The following RPP30 variants were observed in gnomAD, a reference collection of about 807,000 sequenced individuals.
RPP30 encodes ribonuclease P protein subunit p30.
In RPP30, 36 loss-of-function variants were observed where a neutral mutation model predicts 38.6. That is an observed-to-expected ratio of 0.93 (90% CI 0.71 to 1.23). The LOEUF is 1.23. Ranked by LOEUF, RPP30 falls within the 50% of genes most tolerant of loss-of-function variation. RPP30 has a pLI of 0.00. For missense variants in RPP30, 321 were observed against 321.7 expected (o/e 1.00, Z 0.02); for synonymous variants, 126 against 112.7 (o/e 1.12, Z -0.75).
intron 6 of RPP30, among the ~76,000 whole-genome samples, chr10:90,887,503 C>G (rs994347525): frequency 6.6e-6 from 1 of 151,920 alleles, no homozygotes; most frequent in Admixed American, 6.6e-5. Context: ...CTGCCCCAGC[C>G]TCCTGAGTAG....
chr10:90,900,672 A>T lies in RPP30; in HGVS notation c.800A>T (p.Glu267Val), dbSNP rs201939715. 2 of 1,613,088 alleles carry T rather than the reference A, an allele frequency of 1.2e-6. No homozygotes were observed. The highest frequency in any genetic ancestry group is 1.7e-6 in the Non-Finnish European group (2 of 1,179,614). The change falls in exon 11 of 11, where the codon GAG becomes GTG. Residue 267 changes from glutamate to valine, a missense_variant. Coordinates refer to ENST00000371703, the MANE Select transcript of RPP30 (RefSeq NM_006413.5). Reference sequence around the variant, plus strand: ...CCAGCTTCCAAGAAAGCCAAGTGTGAGGGCTGAAAAGAATGCCCCAGTCTC... The same window carrying T: ...CCAGCTTCCAAGAAAGCCAAGTGTGTGGGCTGAAAAGAATGCCCCAGTCTC... The part of the protein sequence containing the change: ...CLPASKKAKC[E>V]G
At chr10:90,883,256 C>T (rs920800716) in intron 5 of RPP30, among the ~76,000 whole-genome samples, 2 of 145,010 alleles carry the variant, frequency 1.4e-5, no homozygotes, top group Non-Finnish European at 3.0e-5. Context: ...TATGGGAATA[C>T]GTTTTCTTTA....
At chr10:90,903,675 A>C (rs1315200534), downstream of RPP30, among the ~76,000 whole-genome samples, 1 of 152,234 alleles carries the variant, frequency 6.6e-6, no homozygotes, top group East Asian at 1.9e-4. Flanking sequence ...TTTCGTTAGA[A>C]TGAACCACTA....
At chr10:90,879,195 C>T in intron 5 of RPP30, 61 bp downstream of exon 5, 2 of 1,359,542 alleles carry the variant, frequency 1.5e-6, no homozygotes, top group Non-Finnish European at 2.1e-6. Context: ...GTCTGATGTT[C>T]TGACTTTGTA....
intron 5 of RPP30, among the ~76,000 whole-genome samples, chr10:90,884,880 C>A (rs1846978483): frequency 6.6e-6 from 1 of 152,198 alleles, no homozygotes; most frequent in Non-Finnish European, 1.5e-5. Context: ...GTCTGTCAAG[C>A]CTGTACACAC....
intron 9 of RPP30, 104 bp from the exon 10 acceptor site, chr10:90,896,209 T>C: frequency 1.1e-6 from 1 of 950,524 alleles, no homozygotes; most frequent in Non-Finnish European, 1.7e-6. Context: ...GTTGAATTAA[T>C]TAGCCTCTCA....
intron 10 of RPP30, among the ~76,000 whole-genome samples, 160 bp from the exon 11 acceptor site, chr10:90,900,410 T>TG (rs1418002781): frequency 2.0e-4 from 31 of 152,352 alleles, no homozygotes; most frequent in Non-Finnish European, 1.9e-4. Context: ...TTGTGTCTGT[T>TG]GGGAAAAAAA....
Position 90,883,983 on chromosome 10 carries a change from A to G in RPP30, c.343-1829A>G, listed in dbSNP as rs902488454. On this transcript the variant is annotated intron_variant, in intron 5 of 10. Coordinates refer to ENST00000371703, the MANE Select transcript of RPP30 (RefSeq NM_006413.5). ...CTCCCTTCCTCTTTCCTTCCTACCT[A>G]ACACCATGCTTCTTTTACCTTACAG... 9.2e-5 allele frequency among the ~76,000 whole-genome samples: 14 copies of G among 152,158 alleles called. No homozygotes were observed. The South Asian group carries it at 1.7e-3, about 18-fold the overall frequency.
chr10:90,882,177 G>C (rs1564711718), intron 5 of RPP30, among the ~76,000 whole-genome samples: 1 of 152,162 alleles, frequency 6.6e-6, no homozygotes. Context: ...AGGATTTAAA[G>C]CAGCTGAGCA....
In RPP30 at chr10:90,901,625, T is replaced by G. The variant is rs936545134; in HGVS notation, c.*946T>G. ...TATTAAAAATAGCAAAGCATCGGAC[T>G]GAACCAACTTTGGAAATAATTTATT... is the stretch of plus-strand genomic sequence containing the variant. On this transcript the variant is annotated 3_prime_UTR_variant, in exon 11 of 11. Coordinates refer to ENST00000371703, the MANE Select transcript of RPP30 (RefSeq NM_006413.5). 1 of 985,192 alleles carries G rather than the reference T, an allele frequency of 1.0e-6. No individual in the cohort carries two copies. The highest frequency in any genetic ancestry group is 1.2e-6 in the Non-Finnish European group (1 of 829,714). The allele number at this position is 985,192 out of a possible 1,614,324, so 61.0% of individuals were successfully genotyped here. A position where few individuals can be genotyped will look rare whatever the true frequency, so the allele number is the denominator to read the frequency against.
chr10:90,906,600 A>G (rs761811295), downstream of RPP30, among the ~76,000 whole-genome samples: 9 of 152,220 alleles, frequency 5.9e-5, no homozygotes, highest in Non-Finnish European at 1.3e-4. Context: ...CTGCAACTTG[A>G]AAAACATTCT....
At chr10:90,896,214 C>T (rs1051780182) in intron 9 of RPP30, 99 bp from the exon 10 acceptor site, 12 of 992,826 alleles carry the variant, frequency 1.2e-5, no homozygotes, top group African/African-American at 6.4e-5. Flanking sequence ...ATTAATTAGC[C>T]TCTCAAGATG....
At chr10:90,889,167 A>G (rs1033955699) in intron 6 of RPP30, among the ~76,000 whole-genome samples, 1 of 152,158 alleles carries the variant, frequency 6.6e-6, no homozygotes, top group African/African-American at 2.4e-5. Context: ...CTGTTTGTCT[A>G]CATAAAGTAT....
chr10:90,886,632 A>G (rs1414819140), intron 6 of RPP30, among the ~76,000 whole-genome samples: 2 of 152,208 alleles, frequency 1.3e-5, no homozygotes, highest in Non-Finnish European at 2.9e-5. Context: ...TTGCTTTGCC[A>G]GTCAGATCCT....
chr10:90,872,128 C>A (rs1323902433), intron 1 of RPP30, 60 bp downstream of exon 1: 2 of 1,392,668 alleles, frequency 1.4e-6, no homozygotes, highest in Admixed American at 3.4e-5. Flanking sequence ...TCGGGCCACA[C>A]TCCGGAGTAA....
chr10:90,887,183 G>T (rs1847013188), intron 6 of RPP30, among the ~76,000 whole-genome samples: 1 of 151,816 alleles, frequency 6.6e-6, no homozygotes, highest in South Asian at 2.1e-4. Context: ...TCCCAGGCTG[G>T]TCTCAAACTC....
intron 6 of RPP30, among the ~76,000 whole-genome samples, chr10:90,886,104 AG>A (rs1846997023): frequency 1.3e-5 from 2 of 152,230 alleles, no homozygotes; most frequent in Non-Finnish European, 2.9e-5. Flanking sequence ...TTAATTATTA[AG>A]ATGTTTTTAA....
At chr10:90,906,260 C>A (rs1847254277), downstream of RPP30, among the ~76,000 whole-genome samples, 1 of 152,076 alleles carries the variant, frequency 6.6e-6, no homozygotes, top group African/African-American at 2.4e-5. Context: ...ACAGCTAGAA[C>A]AAAGGGGAGG....
intron 6 of RPP30, among the ~76,000 whole-genome samples, chr10:90,890,412 A>G (rs571009412): frequency 4.6e-5 from 7 of 152,174 alleles, no homozygotes; most frequent in Non-Finnish European, 1.0e-4. Flanking sequence ...AAGGGATCTT[A>G]TATGTTTTAC....
Sources: allele counts gnomAD v4.1 joint callset (sites outside exome capture counted in the v4.1 genomes callset), GRCh38; gene constraint gnomAD v4.1.1; transcripts MANE v1.5; gene names NCBI Gene and HGNC (gene_info 2026-07-23, HGNC 2026-07-21).